KIAA1549L: variants seen among roughly 807,000 people sequenced by gnomAD.
KIAA1549L encodes the protein UPF0606 protein KIAA1549L.
Under a neutral mutation model 160.7 loss-of-function variants are expected in KIAA1549L, and 88 were observed. That is an observed-to-expected ratio of 0.55 (90% CI 0.46 to 0.65). The LOEUF (loss-of-function observed/expected upper bound fraction) is 0.65, where lower values mean the gene tolerates loss of function less well. KIAA1549L is among the 30% of genes least tolerant of loss of function. KIAA1549L has a pLI of 0.00. For missense variants in KIAA1549L, 2,258 were observed against 2,437.5 expected (o/e 0.93, Z 1.55); for synonymous variants, 950 against 976.7 (o/e 0.97, Z 0.51).
intron 1 of KIAA1549L, among the ~76,000 whole-genome samples, chr11:33,440,351 C>T (rs906224420): frequency 3.2e-4 from 48 of 151,310 alleles, no homozygotes; most frequent in African/African-American, 1.1e-3. Flanking sequence ...GGGATGGTCT[C>T]GATCTCCTGA....
At chr11:33,445,107 G>A (rs770348112) in intron 1 of KIAA1549L, among the ~76,000 whole-genome samples, 3 of 152,164 alleles carry the variant, frequency 2.0e-5, no homozygotes, top group Non-Finnish European at 4.4e-5. Flanking sequence ...AGGCCCCCAG[G>A]TCCCAGTGGC....
chr11:33,643,419 C>T (rs1369584783), intron 16 of KIAA1549L, among the ~76,000 whole-genome samples: 1 of 152,118 alleles, frequency 6.6e-6, no homozygotes, highest in African/African-American at 2.4e-5. Flanking sequence ...CCCTAAGGCA[C>T]AACTATAAAT....
chr11:33,528,125 C>A (rs1404619080), intron 1 of KIAA1549L, among the ~76,000 whole-genome samples: 3 of 152,118 alleles, frequency 2.0e-5, no homozygotes, highest in Non-Finnish European at 4.4e-5. Flanking sequence ...AACTGTGAGT[C>A]AATTAAACCT....
Position 33,559,784 on chromosome 11 carries a change from C to G in KIAA1549L, c.3891C>G (p.Thr1297=), listed in dbSNP as rs1565186389. The change falls in exon 7 of 21, where the codon ACC becomes ACG. Residue 1297 remains threonine (T), a synonymous_variant. Coordinates refer to ENST00000658780, the MANE Select transcript of KIAA1549L (RefSeq NM_012194.3). ...VSTSNASQAV[T]LVYVVGNQST... ...CGTCCAATGCCTCCCAGGCAGTCAC[C>G]TTGGTGTACGTCGTGGGCAATCAGA... The G allele has an allele frequency of 6.2e-7, 1 of 1,614,020 alleles. No homozygotes were observed. Among genetic ancestry groups the G allele is most frequent in the East Asian group, 2.2e-5 (1 of 44,878 alleles).
chr11:33,522,077 A>G (rs1416611489), intron 1 of KIAA1549L, among the ~76,000 whole-genome samples: 3 of 152,224 alleles, frequency 2.0e-5, no homozygotes, highest in Non-Finnish European at 2.9e-5. Context: ...ATATGACTAT[A>G]TATATAAACA....
At chr11:33,515,177 G>T (rs567311507) in intron 1 of KIAA1549L, among the ~76,000 whole-genome samples, 14 of 152,264 alleles carry the variant, frequency 9.2e-5, no homozygotes, top group African/African-American at 3.4e-4. Context: ...ACAGCTAAGT[G>T]CCTCCCCCAC....
intron 1 of KIAA1549L, among the ~76,000 whole-genome samples, chr11:33,407,362 G>A (rs1266497629): frequency 1.3e-5 from 2 of 151,014 alleles, no homozygotes; most frequent in Non-Finnish European, 3.0e-5. Flanking sequence ...TTTCTTTTTT[G>A]AGACAGTCTC....
At chr11:33,382,634 C>T (rs1240810989) in intron 1 of KIAA1549L, among the ~76,000 whole-genome samples, 1 of 151,990 alleles carries the variant, frequency 6.6e-6, no homozygotes, top group East Asian at 1.9e-4. Flanking sequence ...TGTTTTTCCC[C>T]CAAATGTAGA....
At position 33,543,054 on chromosome 11, in the gene KIAA1549L, G is replaced by C; in HGVS notation, c.1491G>C (p.Gly497=). 6.2e-7 allele frequency: 1 copy of C among 1,613,854 alleles called. No individual in the cohort carries two copies. The highest frequency in any genetic ancestry group is 1.3e-5 in the African/African-American group (1 of 75,048). The change falls in exon 2 of 21, where the codon GGG becomes GGC. Residue 497 remains glycine, a synonymous_variant. Coordinates refer to ENST00000658780, the MANE Select transcript of KIAA1549L (RefSeq NM_012194.3). Reference sequence around the variant, plus strand: ...CGGTTCCCGCATCACCATCAACTGGGACAGCCGACTTTCCCTCCATACTTA... The same window carrying C: ...CGGTTCCCGCATCACCATCAACTGGCACAGCCGACTTTCCCTCCATACTTA... ...SGAVPASPST[G]TADFPSILTF...
intron 10 of KIAA1549L, among the ~76,000 whole-genome samples, chr11:33,577,200 AG>A (rs1855480245): frequency 6.6e-6 from 1 of 152,140 alleles, no homozygotes; most frequent in Non-Finnish European, 1.5e-5. Context: ...GTAGAGATTA[AG>A]GGGATTGGAG....
intron 20 of KIAA1549L, among the ~76,000 whole-genome samples, chr11:33,667,397 C>T (rs1852502577): frequency 6.6e-6 from 1 of 151,524 alleles, no homozygotes; most frequent in Non-Finnish European, 1.5e-5. Context: ...GTCCAAATTA[C>T]CTTTTTTTTT....
At chr11:33,476,968 A>C (rs1852299319) in intron 1 of KIAA1549L, among the ~76,000 whole-genome samples, 1 of 152,212 alleles carries the variant, frequency 6.6e-6, no homozygotes, top group South Asian at 2.1e-4. Flanking sequence ...AGTATTAGGC[A>C]CAGTTGGGAG....
intron 17 of KIAA1549L, among the ~76,000 whole-genome samples, chr11:33,646,673 C>A (rs1472986829): frequency 2.0e-5 from 3 of 152,232 alleles, no homozygotes; most frequent in African/African-American, 4.8e-5. Context: ...TACACACACA[C>A]AAAATACTTG....
At chr11:33,647,325 A>C (rs997113088) in intron 17 of KIAA1549L, among the ~76,000 whole-genome samples, 2 of 151,004 alleles carry the variant, frequency 1.3e-5, no homozygotes, top group African/African-American at 2.4e-5. Flanking sequence ...GCAGTGAGCC[A>C]AGACTGTGAG....
chr11:33,611,543 C>G (rs559403273), intron 15 of KIAA1549L, among the ~76,000 whole-genome samples: 1 of 152,060 alleles, frequency 6.6e-6, no homozygotes, highest in Non-Finnish European at 1.5e-5. Flanking sequence ...CAAATCACAC[C>G]ATGACAGGGT....
intron 1 of KIAA1549L, among the ~76,000 whole-genome samples, chr11:33,536,173 A>G (rs1853888666): frequency 6.6e-6 from 1 of 152,238 alleles, no homozygotes; most frequent in African/African-American, 2.4e-5. Flanking sequence ...TATTTCAGTT[A>G]TTATTACAGT....
intron 16 of KIAA1549L, among the ~76,000 whole-genome samples, chr11:33,632,057 C>A (rs1398111411): frequency 6.6e-6 from 1 of 152,230 alleles, no homozygotes; most frequent in East Asian, 1.9e-4. Flanking sequence ...TTGGAGTTCA[C>A]TGTGAATGGT....
chr11:33,533,016 A>C (rs1224675822), intron 1 of KIAA1549L, among the ~76,000 whole-genome samples: 1 of 152,166 alleles, frequency 6.6e-6, no homozygotes, highest in East Asian at 1.9e-4. Context: ...ACCTGAAGGG[A>C]GAGTACTCCT....
chr11:33,664,366 C>T (rs1181114353), intron 20 of KIAA1549L, among the ~76,000 whole-genome samples: 2 of 152,194 alleles, frequency 1.3e-5, no homozygotes, highest in Admixed American at 6.5e-5. Context: ...AGGCGTCAGC[C>T]GCACATCTCA....
Sources: gnomAD v4.1 joint callset for allele counts (sites outside exome capture counted in the v4.1 genomes callset) on GRCh38, gnomAD v4.1.1 for gene constraint, MANE v1.5 for transcripts, NCBI Gene and HGNC (gene_info 2026-07-23, HGNC 2026-07-21) for gene names.